EYS: variants seen among roughly 807,000 people sequenced by gnomAD.
EYS encodes the protein protein eyes shut homolog.
Under a neutral mutation model 282.1 loss-of-function variants are expected in EYS, and 250 were observed. The observed-to-expected ratio is 0.89, with a 90% CI of 0.80 to 0.98. EYS has a LOEUF of 0.98. Among genes scored for constraint, EYS ranks in the 50% least tolerant of loss-of-function variants. EYS has a pLI of 0.00. For missense variants in EYS, 4,016 were observed against 3,709.0 expected, an observed-to-expected ratio of 1.08 and a Z score of -2.15; for synonymous variants, 1,355 against 1,282.9, an observed-to-expected ratio of 1.06 and a Z score of -1.20.
At chr6:64,574,861 G>C (rs556054780) in intron 26 of EYS, among the ~76,000 whole-genome samples, 1 of 151,954 alleles carries the variant, frequency 6.6e-6, no homozygotes, top group African/African-American at 2.4e-5. Flanking sequence ...TATGCCTTCA[G>C]GTATAAATAT....
At chr6:65,093,590 A>T (rs1774636392) in intron 12 of EYS, among the ~76,000 whole-genome samples, 1 of 151,926 alleles carries the variant, frequency 6.6e-6, no homozygotes, top group Admixed American at 6.6e-5. Flanking sequence ...CTGCTGTAAG[A>T]CAAGCATGCC....
chr6:64,069,908 TTA>T (rs1252507962), intron 32 of EYS, among the ~76,000 whole-genome samples: 2 of 152,096 alleles, frequency 1.3e-5, no homozygotes, highest in Non-Finnish European at 1.5e-5. Flanking sequence ...TGAAAAGTAA[TTA>T]TATTTTTTTC....
chr6:64,421,611 T>C (rs936833657), intron 28 of EYS, among the ~76,000 whole-genome samples: 6 of 152,170 alleles, frequency 3.9e-5, no homozygotes, highest in African/African-American at 1.4e-4. Context: ...TCATGAATCA[T>C]TTAAAGATAA....
intron 12 of EYS, among the ~76,000 whole-genome samples, chr6:65,136,563 A>C (rs992404677): frequency 6.6e-6 from 1 of 152,280 alleles, no homozygotes; most frequent in South Asian, 2.1e-4. Context: ...TACTAACATA[A>C]CAATTAAAAA....
intron 31 of EYS, among the ~76,000 whole-genome samples, chr6:64,111,096 C>A (rs74667466): frequency 0.066 from 10,020 of 151,884 alleles, 998 homozygotes; most frequent in African/African-American, 0.22. Context: ...AGTTGTAGAT[C>A]CAGGAATGAG....
chr6:63,963,663 C>G (rs1481172891), intron 35 of EYS, among the ~76,000 whole-genome samples: 1 of 152,160 alleles, frequency 6.6e-6, no homozygotes, highest in Non-Finnish European at 1.5e-5. Context: ...TTTTTTCACC[C>G]TCTCCTTAAA....
chr6:64,926,670 A>T (rs150947280), intron 15 of EYS, among the ~76,000 whole-genome samples: 1 of 152,064 alleles, frequency 6.6e-6, no homozygotes. Flanking sequence ...TTTAACTCTT[A>T]TGTTGATCTC....
chr6:64,750,312 A>G (rs1405105874), intron 22 of EYS, among the ~76,000 whole-genome samples: 1 of 152,012 alleles, frequency 6.6e-6, no homozygotes, highest in Non-Finnish European at 1.5e-5. Flanking sequence ...TCTAAGGAGT[A>G]ATAGGATTAG....
At chr6:64,956,093 T>A (rs1337682729) in intron 14 of EYS, among the ~76,000 whole-genome samples, 2 of 151,876 alleles carry the variant, frequency 1.3e-5, no homozygotes, top group African/African-American at 4.8e-5. Flanking sequence ...AAAAAAAAAA[T>A]TCCAAAATGT....
At chr6:65,042,833 T>C (rs1334650743) in intron 13 of EYS, among the ~76,000 whole-genome samples, 2 of 149,526 alleles carry the variant, frequency 1.3e-5, no homozygotes, top group East Asian at 4.0e-4. Context: ...TTTAAGATTT[T>C]ATTAGCTTAA....
At chr6:65,137,220 G>A (rs1776046415) in intron 12 of EYS, among the ~76,000 whole-genome samples, 1 of 152,070 alleles carries the variant, frequency 6.6e-6, no homozygotes, top group Non-Finnish European at 1.5e-5. Flanking sequence ...CCCCAATAGA[G>A]AAATTCACTC....
At chr6:64,432,220 T>G (rs891615796) in intron 28 of EYS, among the ~76,000 whole-genome samples, 4 of 152,062 alleles carry the variant, frequency 2.6e-5, no homozygotes, top group Admixed American at 6.6e-5. Context: ...ACTGACAGAG[T>G]GTTTGTGAAT....
chr6:65,565,226 C>A lies in EYS; in HGVS notation c.-332-69233G>T, dbSNP rs1171375237. ...CGCCACTGCACTCCAGCCTGGGCGA[C>A]AGAGCGAGACTCCGTCTCAAAAAAA... On this transcript the variant is annotated intron_variant, in intron 2 of 42. Coordinates refer to ENST00000503581, the MANE Select transcript of EYS (RefSeq NM_001142800.2). Among the ~76,000 whole-genome samples the A allele has an allele frequency of 7.9e-5, 2 of 25,466 alleles. 1 individual carries two copies. The highest frequency in any genetic ancestry group is 1.0e-4 in the Non-Finnish European group (2 of 20,008). The allele number at this position is 25,466 out of a possible 152,430, so 16.7% of individuals were successfully genotyped here. A position where few individuals can be genotyped will look rare whatever the true frequency, so the allele number is the denominator to read the frequency against.
At chr6:64,318,084 G>A (rs1013225883) in intron 29 of EYS, among the ~76,000 whole-genome samples, 5 of 151,866 alleles carry the variant, frequency 3.3e-5, no homozygotes, top group Non-Finnish European at 5.9e-5. Context: ...AGTTGATGGC[G>A]GGTTGATGGG....
intron 18 of EYS, among the ~76,000 whole-genome samples, chr6:64,890,052 C>A (rs939699403): frequency 6.7e-6 from 1 of 149,942 alleles, no homozygotes; most frequent in African/African-American, 2.5e-5. Context: ...AATGCCCCCC[C>A]CCCCCAAGGT....
At chr6:63,756,978 A>G (rs757908561) in intron 41 of EYS, among the ~76,000 whole-genome samples, 1 of 152,134 alleles carries the variant, frequency 6.6e-6, no homozygotes, top group Non-Finnish European at 1.5e-5. Flanking sequence ...ATCGTAAAAC[A>G]TGTGTGTTTG....
At chr6:65,591,972 A>C (rs1562276245) in intron 2 of EYS, among the ~76,000 whole-genome samples, 1 of 152,034 alleles carries the variant, frequency 6.6e-6, no homozygotes, top group African/African-American at 2.4e-5. Flanking sequence ...TATGATGAGA[A>C]CATAATAGAT....
intron 35 of EYS, among the ~76,000 whole-genome samples, chr6:63,872,623 C>A (rs149241177): frequency 8.2e-4 from 125 of 151,926 alleles, no homozygotes; most frequent in African/African-American, 2.8e-3. Flanking sequence ...GGATTACAGG[C>A]ACATGCCGCC....
intron 39 of EYS, among the ~76,000 whole-genome samples, chr6:63,782,081 TG>T (rs1770243469): frequency 6.6e-6 from 1 of 152,248 alleles, no homozygotes; most frequent in Admixed American, 6.5e-5. Context: ...GAACTAGCCT[TG>T]CATCCCAGGG....
Sources: gnomAD v4.1 joint callset for allele counts (sites outside exome capture counted in the v4.1 genomes callset) on GRCh38, gnomAD v4.1.1 for gene constraint, MANE v1.5 for transcripts, NCBI Gene and HGNC (gene_info 2026-07-23, HGNC 2026-07-21) for gene names.